The following FRMD6 variants were observed in gnomAD, a reference collection of about 807,000 sequenced individuals.
FRMD6 encodes FERM domain-containing protein 6.
In FRMD6, 37 loss-of-function variants were observed where a neutral mutation model predicts 73.2. That is an observed-to-expected ratio of 0.51 (90% confidence interval 0.39 to 0.66). FRMD6 has a LOEUF of 0.66. FRMD6 is among the 30% of genes least tolerant of loss of function. The pLI, the probability that FRMD6 is intolerant of heterozygous loss-of-function variation, is 0.00. For missense variants in FRMD6, 714 were observed against 780.5 expected (o/e 0.91, Z 1.02); for synonymous variants, 273 against 282.2 (o/e 0.97, Z 0.33).
chr14:51,601,832 T>C (rs1890049849), intron 2 of FRMD6, among the ~76,000 whole-genome samples: 1 of 152,240 alleles, frequency 6.6e-6, no homozygotes, highest in South Asian at 2.1e-4. Context: ...TATCATAATT[T>C]AGTCATTTAA....
chr14:51,471,430 G>A, the FRMD6 span, among the ~76,000 whole-genome samples: 11 of 151,800 alleles, frequency 7.2e-5, no homozygotes, highest in Non-Finnish European at 1.6e-4. Context: ...GAACCCAGGA[G>A]GCGGAGCTTG....
the FRMD6 span, among the ~76,000 whole-genome samples, chr14:51,452,429 C>T: frequency 1.3e-5 from 2 of 152,148 alleles, no homozygotes; most frequent in Admixed American, 1.3e-4. Context: ...GGTTTTCAAA[C>T]TAACATGAGG....
At chr14:51,541,808 A>G (rs1324355594) in intron 1 of FRMD6, among the ~76,000 whole-genome samples, 1 of 152,094 alleles carries the variant, frequency 6.6e-6, no homozygotes, top group South Asian at 2.1e-4. Flanking sequence ...GAGAGACTGA[A>G]GGTGTTTTTA....
At chr14:51,421,276 T>C in the FRMD6 span, among the ~76,000 whole-genome samples, 1 of 152,172 alleles carries the variant, frequency 6.6e-6, no homozygotes. Flanking sequence ...TTCAGGAATC[T>C]GAGGATTGAG....
At chr14:51,715,249 T>G (rs1226191485) in intron 9 of FRMD6, 76 bp from the exon 10 acceptor site, 1 of 1,142,944 alleles carries the variant, frequency 8.7e-7, no homozygotes, top group African/African-American at 1.6e-5. Flanking sequence ...TTTTCCTTAC[T>G]AAATAGGAAA....
intron 2 of FRMD6, among the ~76,000 whole-genome samples, chr14:51,644,603 T>C (rs1891979857): frequency 6.6e-6 from 1 of 152,194 alleles, no homozygotes; most frequent in African/African-American, 2.4e-5. Flanking sequence ...GCTATAAAAA[T>C]AAGTGATGTG....
At chr14:51,719,825 C>A (rs1483449443) in intron 10 of FRMD6, among the ~76,000 whole-genome samples, 1 of 152,200 alleles carries the variant, frequency 6.6e-6, no homozygotes, top group Non-Finnish European at 1.5e-5. Context: ...TCTTATACTG[C>A]TTGAAGCTTT....
At chr14:51,582,666 A>G (rs1255651164) in intron 2 of FRMD6, among the ~76,000 whole-genome samples, 1 of 152,182 alleles carries the variant, frequency 6.6e-6, no homozygotes, top group Non-Finnish European at 1.5e-5. Flanking sequence ...TGCCAGTGGA[A>G]TGTAATATTT....
At position 51,728,552 on chromosome 14, in the gene FRMD6, G is replaced by T; in HGVS notation, c.*523G>T. The stretch of plus-strand genomic sequence containing the variant: ...AGGCTGTCCCAAAGTGAACACTGAT[G>T]GAGTGGTCAAAATCATAAGGTTGTA... On this transcript the variant is annotated 3_prime_UTR_variant, in exon 14 of 14. Transcript: ENST00000344768. 6.3e-6 allele frequency: 1 copy of T among 158,722 alleles called. No homozygotes were observed. The highest frequency in any genetic ancestry group is 1.8e-4 in the South Asian group (1 of 5,616). The allele number at this position is 158,722 out of a possible 1,614,324, so 9.8% of individuals were successfully genotyped here.
At chr14:51,721,819 T>C (rs1897633912) in intron 11 of FRMD6, 130 bp from the exon 12 acceptor site, 1 of 949,724 alleles carries the variant, frequency 1.1e-6, no homozygotes, top group African/African-American at 1.7e-5. Flanking sequence ...TGGAGTTTCC[T>C]ATTGGAGTCT....
chr14:51,691,611 T>C (rs1895580591), intron 2 of FRMD6, among the ~76,000 whole-genome samples: 1 of 125,146 alleles, frequency 8.0e-6, no homozygotes, highest in Non-Finnish European at 1.7e-5. Flanking sequence ...TTTTTTTTTT[T>C]TGAGTCAGAG....
the FRMD6 span, among the ~76,000 whole-genome samples, chr14:51,421,437 C>T: frequency 3.3e-5 from 5 of 152,068 alleles, no homozygotes; most frequent in East Asian, 1.9e-4. Flanking sequence ...TGCAAATCAC[C>T]GCCATTGAGT....
chr14:51,518,710 C>A (rs975168295), intron 1 of FRMD6, among the ~76,000 whole-genome samples: 1 of 152,240 alleles, frequency 6.6e-6, no homozygotes, highest in African/African-American at 2.4e-5. Context: ...AAAATTTTAA[C>A]CACTAAAAGT....
At chr14:51,590,134 C>T (rs1265427131) in intron 2 of FRMD6, among the ~76,000 whole-genome samples, 2 of 150,390 alleles carry the variant, frequency 1.3e-5, no homozygotes, top group Non-Finnish European at 2.9e-5. Flanking sequence ...TTGGATTTCT[C>T]ACCTTGTCTA....
upstream of FRMD6, among the ~76,000 whole-genome samples, chr14:51,648,599 C>T (rs2140068208): frequency 6.6e-6 from 1 of 152,338 alleles, no homozygotes; most frequent in Non-Finnish European, 1.5e-5. Flanking sequence ...CTTCCCTTCT[C>T]AGTTCACAGG....
rs1896272323 is a variant in FRMD6, at chr14:51,700,982, T to C, written c.191-74T>C. 1.0e-5 allele frequency: 7 copies of C among 666,864 alleles called. No homozygotes were observed. In the South Asian group the frequency reaches 1.7e-4, roughly 16 times the overall value. 41.3% of individuals were successfully genotyped at this position (666,864 alleles called of 1,614,324 possible). A position where few individuals can be genotyped will look rare whatever the true frequency, so the allele number is the denominator to read the frequency against. ...CAAGTCTTGAGGCTTTAAAAGAAACTTGTTTCTTTCTATATTTTTTTTCTT... is the reference window on the plus strand; with the variant it reads ...CAAGTCTTGAGGCTTTAAAAGAAACCTGTTTCTTTCTATATTTTTTTTCTT... On this transcript the variant is annotated intron_variant, in intron 3 of 13. Coordinates refer to ENST00000344768, the MANE Select transcript of FRMD6 (RefSeq NM_001267046.2).
the FRMD6 span, among the ~76,000 whole-genome samples, chr14:51,417,061 A>G: frequency 6.6e-6 from 1 of 151,902 alleles, no homozygotes; most frequent in Non-Finnish European, 1.5e-5. Context: ...TGCACGTGAG[A>G]TGGGTCTCCT....
At chr14:51,400,409 A>G in the FRMD6 span, among the ~76,000 whole-genome samples, 1 of 152,148 alleles carries the variant, frequency 6.6e-6, no homozygotes, top group South Asian at 2.1e-4. Flanking sequence ...AATGTCCTCT[A>G]GGTTCATTCA....
At chr14:51,713,504 A>C (rs1897068424) in intron 9 of FRMD6, 1 of 151,700 alleles carries the variant, frequency 6.6e-6, no homozygotes, top group Non-Finnish European at 1.5e-5. Flanking sequence ...TTCAGAAATT[A>C]CTGAAAAAAA....
Sources: gnomAD v4.1 joint callset for allele counts (sites outside exome capture counted in the v4.1 genomes callset) on GRCh38, gnomAD v4.1.1 for gene constraint, MANE v1.5 for transcripts, NCBI Gene and HGNC (gene_info 2026-07-23, HGNC 2026-07-21) for gene names.